SYN3: variants seen among roughly 807,000 people sequenced by gnomAD.
SYN3 encodes synapsin III, also known as synapsin-3.
In SYN3, 35 loss-of-function variants were observed where a neutral mutation model predicts 65.8. That is an observed-to-expected ratio of 0.53 (90% CI 0.41 to 0.70). The LOEUF (loss-of-function observed/expected upper bound fraction) is 0.70. Ranked by LOEUF, SYN3 falls within the 30% of genes least tolerant of loss-of-function variation. SYN3 has a pLI of 0.00. For missense variants in SYN3, 680 were observed against 749.0 expected, an observed-to-expected ratio of 0.91 and a Z score of 1.08; for synonymous variants, 270 against 292.9, an observed-to-expected ratio of 0.92 and a Z score of 0.80.
intron 4 of SYN3, 63 bp downstream of exon 4, chr22:32,931,327 G>A (rs2050622245): frequency 9.2e-7 from 1 of 1,086,354 alleles, no homozygotes; most frequent in African/African-American, 1.5e-5. Context: ...ACGGAGGGGT[G>A]GGCTACATGA....
rs2061014447 is a variant in SYN3 at position 32,714,833 on chromosome 22, A to G, written c.712-118097T>C. On this transcript the variant is annotated intron_variant, in intron 6 of 13. Coordinates refer to ENST00000358763, the MANE Select transcript of SYN3 (RefSeq NM_003490.4). Reference sequence around the variant, plus strand: ...TATGGGCACTATTTGTACCTCTTCTAGTGTTTCTGTGGGAATTACATGAGG... The same window carrying G: ...TATGGGCACTATTTGTACCTCTTCTGGTGTTTCTGTGGGAATTACATGAGG... Among the ~76,000 whole-genome samples the G allele has an allele frequency of 3.9e-5, 6 of 152,160 alleles. No homozygotes were observed. In the South Asian group the frequency reaches 1.2e-3, roughly 32 times the overall value.
chr22:32,850,882 T>C (rs1029719438), intron 6 of SYN3, among the ~76,000 whole-genome samples: 1 of 152,174 alleles, frequency 6.6e-6, no homozygotes, highest in African/African-American at 2.4e-5. Flanking sequence ...CCCACGGTGG[T>C]ACCCAACCAT....
intron 2 of SYN3, among the ~76,000 whole-genome samples, chr22:32,990,885 T>TA (rs2145716067): frequency 6.6e-6 from 1 of 151,954 alleles, no homozygotes; most frequent in African/African-American, 2.4e-5. Flanking sequence ...CCATCTCTAC[T>TA]AAAAATGCAA....
rs766928345 is a variant in SYN3 at position 33,035,339 on chromosome 22, C to CGT, written c.-163+22952_-163+22953insAC. 8.4e-5 allele frequency among the ~76,000 whole-genome samples: 8 copies of CGT among 94,842 alleles called. 1 individual carries two copies. The highest frequency in any genetic ancestry group is 1.6e-4 in the Non-Finnish European group (7 of 44,744). 62.2% of individuals were successfully genotyped at this position (94,842 alleles called of 152,430 possible). ...AATTAAAAATCTCGGGACCCCCCCC[C>CGT]CCCCCGCCACCAAACTTCTTATGCA... On this transcript the variant is annotated intron_variant, in intron 1 of 13. Transcript: ENST00000358763.
At chr22:32,994,994 G>A (rs1292299498) in intron 2 of SYN3, among the ~76,000 whole-genome samples, 1 of 152,196 alleles carries the variant, frequency 6.6e-6, no homozygotes, top group African/African-American at 2.4e-5. Context: ...TTCCTGCTGA[G>A]GAATGTGAGG....
At chr22:32,971,936 C>T (rs573647558) in intron 3 of SYN3, among the ~76,000 whole-genome samples, 1 of 152,118 alleles carries the variant, frequency 6.6e-6, no homozygotes, top group Non-Finnish European at 1.5e-5. Flanking sequence ...GCTCTGAAGC[C>T]GGACAGCCCT....
chr22:32,583,639 G>C (rs2058981040), intron 7 of SYN3, among the ~76,000 whole-genome samples: 2 of 152,210 alleles, frequency 1.3e-5, no homozygotes, highest in Admixed American at 6.5e-5. Flanking sequence ...TGTAAAATGA[G>C]TATCATTGAA....
intron 7 of SYN3, among the ~76,000 whole-genome samples, chr22:32,579,153 A>G (rs527484333): frequency 6.6e-6 from 1 of 152,300 alleles, no homozygotes; most frequent in East Asian, 1.9e-4. Context: ...AAATATAACA[A>G]ATGTTCATGA....
chr22:32,558,966 T>C (rs985653888), intron 7 of SYN3, among the ~76,000 whole-genome samples: 1 of 152,244 alleles, frequency 6.6e-6, no homozygotes, highest in Admixed American at 6.5e-5. Flanking sequence ...TAAATAATGA[T>C]GACAGTGATT....
intron 6 of SYN3, among the ~76,000 whole-genome samples, chr22:32,634,312 C>T (rs8140105): frequency 0.099 from 15,038 of 152,118 alleles, 1,693 homozygotes; most frequent in African/African-American, 0.28. Context: ...ATCTATGTTC[C>T]GAACCACTAG....
intron 6 of SYN3, among the ~76,000 whole-genome samples, chr22:32,628,578 G>A (rs1184674035): frequency 6.6e-6 from 1 of 152,112 alleles, no homozygotes; most frequent in Non-Finnish European, 1.5e-5. Flanking sequence ...ATGAGACAGA[G>A]AGGTTAAAAG....
chr22:32,569,563 C>CTATA (rs373627613), intron 7 of SYN3, among the ~76,000 whole-genome samples: 155 of 52,868 alleles, frequency 2.9e-3, no homozygotes, highest in Middle Eastern at 0.012. Flanking sequence ...CTCTCTCTCT[C>CTATA]TCTCTCTCTA....
chr22:32,831,991 A>G (rs1479990762), intron 6 of SYN3, among the ~76,000 whole-genome samples: 1 of 152,176 alleles, frequency 6.6e-6, no homozygotes, highest in Non-Finnish European at 1.5e-5. Context: ...CGGCATTGTT[A>G]CAGATCAGCA....
At chr22:32,962,517 G>A (rs185794911) in intron 3 of SYN3, among the ~76,000 whole-genome samples, 285 of 152,266 alleles carry the variant, frequency 1.9e-3, no homozygotes, top group Middle Eastern at 3.4e-3. Context: ...CCAAAGCCAC[G>A]CGGAAGCAGT....
chr22:32,880,721 T>G (rs1052940367), intron 4 of SYN3, among the ~76,000 whole-genome samples: 2 of 152,224 alleles, frequency 1.3e-5, no homozygotes, highest in Non-Finnish European at 2.9e-5. Context: ...CTAGCCCATT[T>G]TGCAGATGAG....
chr22:32,545,048 A>G (rs903218835), intron 7 of SYN3, among the ~76,000 whole-genome samples: 13 of 152,198 alleles, frequency 8.5e-5, no homozygotes, highest in African/African-American at 2.9e-4. Context: ...ACAAGATGTG[A>G]GCGGAAGAGG....
At chr22:32,859,152 TC>T (rs1228768727) in intron 6 of SYN3, 5 of 1,612,346 alleles carry the variant, frequency 3.1e-6, no homozygotes, top group Non-Finnish European at 4.2e-6. Flanking sequence ...GCAGAGTCCA[TC>T]AACTGCTGCC....
chr22:32,618,695 G>C (rs2059554648), intron 6 of SYN3, among the ~76,000 whole-genome samples: 1 of 152,116 alleles, frequency 6.6e-6, no homozygotes, highest in Non-Finnish European at 1.5e-5. Context: ...CAGGCCCTGG[G>C]ACTTAGAGAC....
At chr22:33,017,617 T>C (rs541395550) in intron 1 of SYN3, among the ~76,000 whole-genome samples, 1 of 152,346 alleles carries the variant, frequency 6.6e-6, no homozygotes, top group African/African-American at 2.4e-5. Context: ...AAGCATTTCA[T>C]TTTTTGGTGC....
Sources: gnomAD v4.1 joint callset for allele counts (sites outside exome capture counted in the v4.1 genomes callset) on GRCh38, gnomAD v4.1.1 for gene constraint, MANE v1.5 for transcripts, NCBI Gene and HGNC (gene_info 2026-07-23, HGNC 2026-07-21) for gene names.